SDHAF3: variants seen among roughly 807,000 people sequenced by gnomAD.
The protein encoded by SDHAF3 is succinate dehydrogenase assembly factor 3, mitochondrial.
A neutral mutation model predicts 11.5 loss-of-function variants in SDHAF3; 18 were observed. The ratio of observed to expected loss-of-function variants is 1.56; its 90% confidence interval spans 1.08 to 2.32. The LOEUF is 2.32. Ranked by LOEUF, SDHAF3 falls within the 30% of genes most tolerant of loss-of-function variation. The pLI is 0.00. For missense variants in SDHAF3, 200 were observed against 154.4 expected (o/e 1.30, Z -1.57); for synonymous variants, 72 against 59.3 (o/e 1.21, Z -0.99).
At chr7:97,139,197 A>G (rs1788989063) in intron 1 of SDHAF3, among the ~76,000 whole-genome samples, 3 of 152,202 alleles carry the variant, frequency 2.0e-5, no homozygotes, top group Admixed American at 2.0e-4. Flanking sequence ...ATGAGGTTAC[A>G]CTGACAACCG....
At chr7:97,143,922 T>C (rs537550361) in intron 1 of SDHAF3, among the ~76,000 whole-genome samples, 26 of 152,338 alleles carry the variant, frequency 1.7e-4, no homozygotes, top group African/African-American at 6.3e-4. Context: ...GTGTTTTCCA[T>C]AGTGGCTGTA....
chr7:97,145,485 A>G (rs574938865), intron 1 of SDHAF3, among the ~76,000 whole-genome samples: 1 of 152,270 alleles, frequency 6.6e-6, no homozygotes, highest in East Asian at 1.9e-4. Context: ...TTCATGAGTA[A>G]TCACTGAATA....
At chr7:97,145,243 T>G (rs1789119098) in intron 1 of SDHAF3, among the ~76,000 whole-genome samples, 2 of 152,086 alleles carry the variant, frequency 1.3e-5, no homozygotes, top group African/African-American at 4.8e-5. Flanking sequence ...TTTCAGAAAT[T>G]TCCACATGAT....
chr7:97,137,979 TCTC>T (rs1181545142), intron 1 of SDHAF3, among the ~76,000 whole-genome samples: 1 of 149,848 alleles, frequency 6.7e-6, no homozygotes, highest in African/African-American at 2.5e-5. Context: ...TCTGAGCAAT[TCTC>T]CTGCCTCAGC....
intron 1 of SDHAF3, among the ~76,000 whole-genome samples, chr7:97,168,733 G>T (rs1789555295): frequency 6.6e-6 from 1 of 152,038 alleles, no homozygotes; most frequent in Non-Finnish European, 1.5e-5. Context: ...CATACACTTG[G>T]CTTTTGTGTT....
chr7:97,158,313 T>C (rs1789334801), intron 1 of SDHAF3, among the ~76,000 whole-genome samples: 1 of 152,174 alleles, frequency 6.6e-6, no homozygotes, highest in South Asian at 2.1e-4. Flanking sequence ...CCTATAAACA[T>C]CTTAGTTTCC....
chr7:97,128,629 A>G (rs1262185693), intron 1 of SDHAF3, among the ~76,000 whole-genome samples: 2 of 152,192 alleles, frequency 1.3e-5, no homozygotes, highest in African/African-American at 4.8e-5. Context: ...TTTTTGTACA[A>G]ATTTAAGGTG....
rs548420145 is a variant in SDHAF3 at position 97,134,099 on chromosome 7, C to G, written c.174+16202C>G. ...TTTTCATGCAGCTGACTCCCTCCCC[C>G]CTTTCCAAAGCTCAGAATGGCAGCA... On this transcript the variant is annotated intron_variant, in intron 1 of 1. Coordinates refer to ENST00000432641, the MANE Select transcript of SDHAF3 (RefSeq NM_020186.3). Among the ~76,000 whole-genome samples, 22 of 152,326 alleles carry G rather than the reference C, an allele frequency of 1.4e-4. No individual in the cohort carries two copies. The East Asian group carries it at 2.7e-3, about 19-fold the overall frequency.
chr7:97,147,340 C>G (rs1789151528), intron 1 of SDHAF3, among the ~76,000 whole-genome samples: 1 of 152,160 alleles, frequency 6.6e-6, no homozygotes, highest in Non-Finnish European at 1.5e-5. Flanking sequence ...TTCATTGTTT[C>G]TTCTTTCAGT....
chr7:97,161,785 A>G (rs761226917), intron 1 of SDHAF3, among the ~76,000 whole-genome samples: 5 of 152,198 alleles, frequency 3.3e-5, no homozygotes, highest in Non-Finnish European at 5.9e-5. Context: ...TTATGGATGC[A>G]TAGTATTCCA....
At position 97,117,792 on chromosome 7, in the gene SDHAF3, GCCCCC is replaced by G. The variant is rs2115601852; in HGVS notation, c.70_74del (p.Pro24GlyfsTer15). ...GCGTCTTGCAGCTGCACCGTGTTCT[GCCCCC>G]GGACCTCAAATCCCTGGGCGACCAG... On this transcript the variant is annotated frameshift_variant, in exon 1 of 2. Transcript: ENST00000432641. LOFTEE classifies it high-confidence loss of function. 6.2e-7 allele frequency: 1 copy of G among 1,614,176 alleles called. No individual in the cohort carries two copies. Among genetic ancestry groups the G allele is most frequent in the East Asian group, 2.2e-5 (1 of 44,874 alleles).
chr7:97,147,601 T>C (rs1789155269), intron 1 of SDHAF3, among the ~76,000 whole-genome samples: 3 of 152,186 alleles, frequency 2.0e-5, no homozygotes, highest in Non-Finnish European at 2.9e-5. Context: ...AAAGGAAAGC[T>C]CATGCTGCCA....
chr7:97,134,717 G>C (rs1791722323), intron 1 of SDHAF3, among the ~76,000 whole-genome samples: 2 of 152,272 alleles, frequency 1.3e-5, no homozygotes, highest in South Asian at 2.1e-4. Flanking sequence ...AAAGTGCTGG[G>C]GTTACAGGTG....
chr7:97,140,436 C>T (rs1006591444), intron 1 of SDHAF3, among the ~76,000 whole-genome samples: 1 of 149,892 alleles, frequency 6.7e-6, no homozygotes, highest in Non-Finnish European at 1.5e-5. Context: ...AGCTCCGCCT[C>T]CCGGGTTCAC....
intron 1 of SDHAF3, among the ~76,000 whole-genome samples, chr7:97,142,127 C>T (rs977826261): frequency 2.2e-5 from 3 of 134,814 alleles, no homozygotes; most frequent in African/African-American, 8.3e-5. Context: ...GATCGTGGCT[C>T]ACTCCAACCT....
At chr7:97,175,811 G>C (rs1379205244) in intron 1 of SDHAF3, among the ~76,000 whole-genome samples, 2 of 152,140 alleles carry the variant, frequency 1.3e-5, no homozygotes, top group East Asian at 3.9e-4. Context: ...CTTTAAGACT[G>C]TGTTTCTGTA....
intron 1 of SDHAF3, among the ~76,000 whole-genome samples, chr7:97,175,715 A>C (rs1485431441): frequency 2.0e-5 from 3 of 152,240 alleles, no homozygotes; most frequent in African/African-American, 7.2e-5. Context: ...TATCACTGAC[A>C]AACTGGTACT....
chr7:97,159,363 T>TTATTCACCAGAGCATCA (rs1288596116), intron 1 of SDHAF3, among the ~76,000 whole-genome samples: 1 of 152,238 alleles, frequency 6.6e-6, no homozygotes, highest in Non-Finnish European at 1.5e-5. Context: ...TTTCAAAGCT[T>TTATTCACCAGAGCATCA]TATTCACCAG....
At chr7:97,171,508 TC>T (rs1789601194) in intron 1 of SDHAF3, among the ~76,000 whole-genome samples, 2 of 152,242 alleles carry the variant, frequency 1.3e-5, no homozygotes, top group Middle Eastern at 3.4e-3. Context: ...TAACCTAAAA[TC>T]TTTTTTTATG....
Sources: gnomAD v4.1 joint callset for allele counts (sites outside exome capture counted in the v4.1 genomes callset) on GRCh38, gnomAD v4.1.1 for gene constraint, MANE v1.5 for transcripts, NCBI Gene and HGNC (gene_info 2026-07-23, HGNC 2026-07-21) for gene names.